Variants in TMEM114 observed in about 807,000 individuals in gnomAD.
TMEM114 encodes the protein transmembrane protein 114.
A neutral mutation model predicts 6.2 loss-of-function variants in TMEM114; 6 were observed. That is an observed-to-expected ratio of 0.97 (90% CI 0.53 to 1.91). TMEM114 has a LOEUF of 1.91. Ranked by LOEUF, TMEM114 falls within the 40% of genes most tolerant of loss-of-function variation. TMEM114 has a pLI of 0.01. For missense variants in TMEM114, 218 were observed against 158.3 expected, an observed-to-expected ratio of 1.38 and a Z score of -2.02; for synonymous variants, 104 against 73.0, an observed-to-expected ratio of 1.42 and a Z score of -2.16.
chr16:8,571,941 TC>T lies in TMEM114; in HGVS notation c.439+145del, dbSNP rs1445582768. 3.4e-4 allele frequency: 351 copies of T among 1,030,162 alleles called. 2 individuals are homozygous for T. The highest frequency in any genetic ancestry group is 3.0e-5 in the Non-Finnish European group (22 of 736,790). 63.8% of individuals were successfully genotyped at this position (1,030,162 alleles called of 1,614,324 possible). A position where few individuals can be genotyped will look rare whatever the true frequency, so the allele number is the denominator to read the frequency against. On this transcript the variant is annotated intron_variant, in intron 3 of 3. Coordinates refer to ENST00000620492, the MANE Select transcript of TMEM114 (RefSeq NM_001146336.2). ...TAAGTGATTCTGGGCTGGAAACCACTCATCTCTTCCAACTGATATCCCAGAA... is the reference window on the plus strand; with the variant it reads ...TAAGTGATTCTGGGCTGGAAACCACTATCTCTTCCAACTGATATCCCAGAA...
chr16:8,585,402 G>C (rs1902287327), intron 2 of TMEM114, among the ~76,000 whole-genome samples: 1 of 152,030 alleles, frequency 6.6e-6, no homozygotes, highest in Admixed American at 6.6e-5. Context: ...CTCTCTGTGA[G>C]GGTTTTCTTA....
intron 2 of TMEM114, among the ~76,000 whole-genome samples, chr16:8,581,849 C>T (rs913850636): frequency 3.9e-5 from 6 of 152,196 alleles, no homozygotes; most frequent in African/African-American, 1.2e-4. Flanking sequence ...GAAGCTCAGG[C>T]CCTTGTGCCC....
At chr16:8,582,191 G>C (rs975255489) in intron 2 of TMEM114, among the ~76,000 whole-genome samples, 1 of 152,218 alleles carries the variant, frequency 6.6e-6, no homozygotes, top group East Asian at 1.9e-4. Context: ...CGGGCATGCT[G>C]TGTTGGACAA....
chr16:8,545,369 G>A (rs961054462), intron 2 of TMEM114, among the ~76,000 whole-genome samples: 4 of 152,184 alleles, frequency 2.6e-5, no homozygotes, highest in Non-Finnish European at 5.9e-5. Flanking sequence ...CCAGGAGGTT[G>A]AGGTTGCAGT....
chr16:8,576,246 TA>T (rs1567208693), intron 2 of TMEM114, among the ~76,000 whole-genome samples: 1 of 152,198 alleles, frequency 6.6e-6, no homozygotes, highest in Non-Finnish European at 1.5e-5. Flanking sequence ...AAGATGGAGA[TA>T]TTTGGTCACA....
chr16:8,588,320 A>C (rs1473401942), intron 2 of TMEM114, among the ~76,000 whole-genome samples: 1 of 151,756 alleles, frequency 6.6e-6, no homozygotes, highest in African/African-American at 2.4e-5. Flanking sequence ...ACATTTTCAA[A>C]GTCTATGAAA....
At chr16:8,561,828 G>GTGAGTGAAGGAGGAGGTGAA (rs1901215399) in intron 2 of TMEM114, among the ~76,000 whole-genome samples, 2 of 125,914 alleles carry the variant, frequency 1.6e-5, no homozygotes, top group African/African-American at 5.4e-5. Flanking sequence ...GAGTGAATGA[G>GTGAGTGAAGGAGGAGGTGAA]TGAGTGAATG....
At chr16:8,582,278 T>G (rs1902178876) in intron 2 of TMEM114, among the ~76,000 whole-genome samples, 1 of 151,322 alleles carries the variant, frequency 6.6e-6, no homozygotes, top group African/African-American at 2.4e-5. Flanking sequence ...GAGACACAGC[T>G]GAGGTAAGAC....
chr16:8,533,802 G>A (rs915763415), downstream of TMEM114, among the ~76,000 whole-genome samples: 1 of 152,186 alleles, frequency 6.6e-6, no homozygotes, highest in African/African-American at 2.4e-5. Flanking sequence ...CTTTCAGCAG[G>A]AACTTTGGTC....
chr16:8,564,126 T>A (rs1217128083), intron 2 of TMEM114, among the ~76,000 whole-genome samples: 13 of 149,970 alleles, frequency 8.7e-5, no homozygotes. Flanking sequence ...AGTGAATGAG[T>A]GAGTTAGTGA....
In TMEM114 at chr16:8,538,901, T is replaced by A. The variant is rs1291951268; in HGVS notation, n.213-1075A>T. Among the ~76,000 whole-genome samples the A allele has an allele frequency of 2.0e-5, 3 of 152,322 alleles. No individual in the cohort carries two copies. In the East Asian group the frequency reaches 5.8e-4, roughly 29 times the overall value. On this transcript the variant is annotated intron_variant and non_coding_transcript_variant, in intron 2 of 2. Coordinates refer to the TMEM114 transcript ENST00000623677. Reference sequence around the variant, plus strand: ...TACAGTAGATAAATTTGTCTTATATTTAAATTATATCATTTATAATGTATC... The same window carrying A: ...TACAGTAGATAAATTTGTCTTATATATAAATTATATCATTTATAATGTATC...
At chr16:8,537,662 T>A (rs989072075) in exon 3 of TMEM114, 1 of 152,206 alleles carries the variant, frequency 6.6e-6, no homozygotes, top group Admixed American at 6.5e-5. Flanking sequence ...CATGATAATA[T>A]CATATGATAT....
intron 2 of TMEM114, among the ~76,000 whole-genome samples, chr16:8,538,712 T>C (rs9932129): frequency 0.15 from 22,903 of 152,056 alleles, 2,393 homozygotes; most frequent in African/African-American, 0.3. Context: ...TTCACCCTGT[T>C]AGCCAGGATG....
rs7198383 is a variant in TMEM114, at chr16:8,569,748, C to G, written c.*25G>C. The G allele has an allele frequency of 6.5e-7, 1 of 1,529,696 alleles. No individual in the cohort carries two copies. Among genetic ancestry groups the G allele is most frequent in the Non-Finnish European group, 8.8e-7 (1 of 1,132,466 alleles). 94.8% of individuals were successfully genotyped at this position (1,529,696 alleles called of 1,614,324 possible). A position where few individuals can be genotyped will look rare whatever the true frequency, so the allele number is the denominator to read the frequency against. On this transcript the variant is annotated 3_prime_UTR_variant, in exon 4 of 4. Coordinates refer to ENST00000620492, the MANE Select transcript of TMEM114 (RefSeq NM_001146336.2). ...AAGCTCCGGGGCCAAGCCCCTCCCT[C>G]CCCTCCACGACCCAGCGCCCAGGCT...
intron 2 of TMEM114, among the ~76,000 whole-genome samples, chr16:8,540,422 T>C (rs182930364): frequency 4.1e-4 from 62 of 152,342 alleles, no homozygotes; most frequent in African/African-American, 1.4e-3. Context: ...GATGATTGCA[T>C]TGAATTCATC....
At chr16:8,532,528 C>A in the TMEM114 span, among the ~76,000 whole-genome samples, 1 of 152,202 alleles carries the variant, frequency 6.6e-6, no homozygotes, top group African/African-American at 2.4e-5. Flanking sequence ...AAACACCTTA[C>A]TAAAATTACA....
chr16:8,545,343 G>A (rs1386300202), intron 2 of TMEM114, among the ~76,000 whole-genome samples: 1 of 152,206 alleles, frequency 6.6e-6, no homozygotes, highest in Non-Finnish European at 1.5e-5. Context: ...GGCTGAGGCA[G>A]GAGGATTGCT....
downstream of TMEM114, among the ~76,000 whole-genome samples, chr16:8,565,365 G>T: frequency 6.6e-6 from 1 of 152,170 alleles, no homozygotes; most frequent in East Asian, 1.9e-4. Flanking sequence ...ATAAATGAAT[G>T]AGTGAATAAA....
At chr16:8,586,586 T>C (rs1480720143) in intron 2 of TMEM114, among the ~76,000 whole-genome samples, 1 of 151,982 alleles carries the variant, frequency 6.6e-6, no homozygotes, top group Non-Finnish European at 1.5e-5. Context: ...CTCAGCTCAC[T>C]GCAACCTCTG....
Sources: allele counts gnomAD v4.1 joint callset (sites outside exome capture counted in the v4.1 genomes callset), GRCh38; gene constraint gnomAD v4.1.1; transcripts MANE v1.5; gene names NCBI Gene and HGNC (gene_info 2026-07-23, HGNC 2026-07-21).